The following RGL4 variants were observed in gnomAD, a reference collection of about 807,000 sequenced individuals.
The protein encoded by RGL4 is ral guanine nucleotide dissociation stimulator like 4.
Under a neutral mutation model 49.6 loss-of-function variants are expected in RGL4, and 41 were observed. The ratio of observed to expected loss-of-function variants is 0.83; its 90% CI spans 0.64 to 1.07. The LOEUF (loss-of-function observed/expected upper bound fraction) is 1.07, where lower values mean the gene tolerates loss of function less well. Among genes scored for constraint, RGL4 ranks in the 50% least tolerant of loss-of-function variants. RGL4 has a pLI of 0.00. For synonymous variants in RGL4, 255 were observed against 238.0 expected, an observed-to-expected ratio of 1.07 and a Z score of -0.66; for missense variants, 610 against 591.9, an observed-to-expected ratio of 1.03 and a Z score of -0.32.
Position 23,692,946 on chromosome 22 carries a change from C to T in RGL4, c.651C>T (p.Thr217=), listed in dbSNP as rs1370848186. 7 of 1,612,262 alleles carry T rather than the reference C, an allele frequency of 4.3e-6. No individual in the cohort carries two copies. Among genetic ancestry groups the T allele is most frequent in the African/African-American group, 1.3e-5 (1 of 75,044 alleles). Residue 217 remains threonine (T), a synonymous_variant, in exon 3 of 11, where the codon ACC becomes ACT. Transcript: ENST00000290691. ...GTGAGGAGCTGCCTGACATGACGACCTTCCCTCCCAGGCTGCTGGCAGAGC... is the reference window on the plus strand; with the variant it reads ...GTGAGGAGCTGCCTGACATGACGACTTTCCCTCCCAGGCTGCTGGCAGAGC... ...QPSEELPDMT[T]FPPRLLAEQL...
Position 23,692,361 on chromosome 22 carries a change from G to A in RGL4, c.206G>A (p.Trp69Ter). 6.2e-7 allele frequency: 1 copy of A among 1,614,154 alleles called. No individual in the cohort carries two copies. Among genetic ancestry groups the A allele is most frequent in the Non-Finnish European group, 8.5e-7 (1 of 1,180,008 alleles). Reference protein sequence around the residue: ...LRTITSILFNWPPENTSVYYQ... With the variant: ...LRTITSILFN The stretch of plus-strand genomic sequence containing the variant: ...ACCATCACCTCCATTTTGTTCAACT[G>A]GCCCCCCGAAAACACTTCAGTTTAC... Residue 69 changes from tryptophan (W) to a stop codon, truncating the protein, a stop_gained, in exon 2 of 11, where the codon TGG becomes TAG. Transcript: ENST00000290691. LOFTEE classifies it high-confidence loss of function.
In RGL4 at chr22:23,692,932, C is replaced by T. The variant is rs1923235284; in HGVS notation, c.637C>T (p.Pro213Ser). ...AAAGAACCAACCCAGTGAGGAGCTG[C>T]CTGACATGACGACCTTCCCTCCCAG... ...SVKNQPSEEL[P>S]DMTTFPPRLL... The change falls in exon 3 of 11, where the codon CCT (proline) becomes TCT (serine). Residue 213 changes from proline to serine, a missense_variant. Coordinates refer to ENST00000290691, the MANE Select transcript of RGL4 (RefSeq NM_153615.2). 6.2e-7 allele frequency: 1 copy of T among 1,613,064 alleles called. No individual in the cohort carries two copies. The highest frequency in any genetic ancestry group is 1.3e-5 in the African/African-American group (1 of 74,930).
At chr22:23,697,725 G>A (rs1423160944) in intron 8 of RGL4, 113 bp from the exon 9 acceptor site, 14 of 1,180,040 alleles carry the variant, frequency 1.2e-5, no homozygotes, top group South Asian at 5.3e-5. Context: ...AAGTCCTGTC[G>A]TGTGCACATC....
At chr22:23,696,520 C>T in intron 6 of RGL4, 94 bp from the exon 7 acceptor site, 2 of 1,595,430 alleles carry the variant, frequency 1.3e-6, no homozygotes. Context: ...CAGGTGGCTC[C>T]CGCCACTCCC....
At chr22:23,693,218 C>A in intron 3 of RGL4, 1 of 767,816 alleles carries the variant, frequency 1.3e-6, no homozygotes, top group Non-Finnish European at 2.0e-6. Context: ...GACTGAGTGA[C>A]AGGAGATGGA....
At chr22:23,695,207 T>A (rs979309613) in intron 6 of RGL4, 188 bp downstream of exon 6, 3 of 532,306 alleles carry the variant, frequency 5.6e-6, no homozygotes, top group Non-Finnish European at 1.0e-5. Flanking sequence ...TGTCGGTCCA[T>A]GGGCACGTGG....
At chr22:23,698,643 C>A in intron 10 of RGL4, 2 of 750,754 alleles carry the variant, frequency 2.7e-6, no homozygotes, top group South Asian at 1.6e-5. Flanking sequence ...ACTGACGTTA[C>A]AGGTGTGAGC....
rs770231852 is a variant in RGL4 at position 23,692,895 on chromosome 22, T to C, written c.600T>C (p.Cys200=). The C allele has an allele frequency of 1.9e-6, 3 of 1,613,616 alleles. No individual in the cohort carries two copies. Among genetic ancestry groups the C allele is most frequent in the South Asian group, 2.2e-5 (2 of 91,082 alleles). Residue 200 remains cysteine (C), a synonymous_variant, in exon 3 of 11, where the codon TGT becomes TGC. Transcript: ENST00000290691. ...CAGCCCCAGAGTCCTCCTGTCCCTG[T>C]CGTGGGTCTGTAAAGAACCAACCCA... The part of the protein sequence containing the change: ...PQSAPESSCP[C]RGSVKNQPSE...
rs748038406 is a variant in RGL4, at chr22:23,693,913, A to AC, written c.853dup (p.His285ProfsTer83). 915 of 1,613,876 alleles carry AC rather than the reference A, an allele frequency of 5.7e-4. 1 individual carries two copies. Among genetic ancestry groups the AC allele is most frequent in the Non-Finnish European group, 5.3e-4 (621 of 1,180,016 alleles). On this transcript the variant is annotated frameshift_variant, in exon 4 of 11. Coordinates refer to ENST00000290691, the MANE Select transcript of RGL4 (RefSeq NM_153615.2). LOFTEE classifies it high-confidence loss of function. ...TGCATCACCACCTCCTGCCTCGGGG[A>AC]CCACAGCATGAGGGCCCGGGACAGG...
At position 23,691,410 on chromosome 22, in the gene RGL4, G is replaced by A. The variant is rs1923131333; in HGVS notation, c.-621G>A. 1 of 152,210 alleles carries A rather than the reference G, an allele frequency of 6.6e-6. No individual in the cohort carries two copies. Among genetic ancestry groups the A allele is most frequent in the Non-Finnish European group, 1.5e-5 (1 of 68,108 alleles). 9.4% of individuals were successfully genotyped at this position (152,210 alleles called of 1,614,324 possible). A position where few individuals can be genotyped will look rare whatever the true frequency, so the allele number is the denominator to read the frequency against. On this transcript the variant is annotated 5_prime_UTR_variant, in exon 1 of 11. Transcript: ENST00000290691. ...CAGACATCTGGAGAGGCTCACTGGG[G>A]TTCTCCAAAGGTTGGGGTTCACTCA...
chr22:23,692,723 CA>C lies in RGL4; in HGVS notation c.429del (p.Pro144HisfsTer61). The C allele has an allele frequency of 1.9e-6, 3 of 1,613,060 alleles. No homozygotes were observed. The highest frequency in any genetic ancestry group is 1.7e-6 in the Non-Finnish European group (2 of 1,179,836). On this transcript the variant is annotated frameshift_variant, in exon 3 of 11. Coordinates refer to ENST00000290691, the MANE Select transcript of RGL4 (RefSeq NM_153615.2). LOFTEE classifies it high-confidence loss of function. Reference protein sequence around the residue: ...HALTMPALEPAPPLLADLGPA... With the variant: ...HALTMPALEPXPPLLADLGPA... ...TTAACAATGCCGGCCCTGGAGCCAG[CA>C]CCACCACTGCTGGCGGACCTGGGGC... is the stretch of plus-strand genomic sequence containing the variant.
In RGL4 at chr22:23,692,908, A is replaced by G. The variant is rs1923233573; in HGVS notation, c.613A>G (p.Lys205Glu). The change falls in exon 3 of 11, where the codon AAG becomes GAG. Residue 205 changes from lysine (K) to glutamate (E), a missense_variant. Physicochemically the swap from Lys to Glu is moderately conservative, Grantham distance 56 (BLOSUM62 1). Coordinates refer to ENST00000290691, the MANE Select transcript of RGL4 (RefSeq NM_153615.2). ...CTCCTGTCCCTGTCGTGGGTCTGTA[A>G]AGAACCAACCCAGTGAGGAGCTGCC... ...ESSCPCRGSV[K>E]NQPSEELPDM... The G allele has an allele frequency of 6.2e-7, 1 of 1,613,446 alleles. No individual in the cohort carries two copies. Among genetic ancestry groups the G allele is most frequent in the African/African-American group, 1.3e-5 (1 of 74,920 alleles).
At position 23,696,639 on chromosome 22, in the gene RGL4, A is replaced by C. The variant is rs147460979; in HGVS notation, c.1112A>C (p.Gln371Pro). ...GCGGGGAGCTTTAAGGTGGCCACCC[A>C]GGAGAGGAACCCCCAGAGAGTCCAG... Reference protein sequence around the residue: ...IKAGSFKVATQERNPQRVQMR... With the variant: ...IKAGSFKVATPERNPQRVQMR... The change falls in exon 7 of 11, where the codon CAG becomes CCG. Residue 371 changes from glutamine (Q) to proline (P), a missense_variant. Coordinates refer to ENST00000290691, the MANE Select transcript of RGL4 (RefSeq NM_153615.2). The C allele has an allele frequency of 7.4e-6, 12 of 1,613,666 alleles. No homozygotes were observed. The African/African-American group carries it at 1.6e-4, about 22-fold the overall frequency.
chr22:23,691,984 CCTTCCCTCCTAACCCCAG>C lies in RGL4; in HGVS notation c.-46_-29del, dbSNP rs747623059. Reference sequence around the variant, plus strand: ...TGTCCTCCTCCCCCCGACATCTGCCCCTTCCCTCCTAACCCCAGGACCAGGGGACCCAGATCTGGAGCT... The same window carrying C: ...TGTCCTCCTCCCCCCGACATCTGCCCGACCAGGGGACCCAGATCTGGAGCT... On this transcript the variant is annotated 5_prime_UTR_variant, in exon 1 of 11. Coordinates refer to ENST00000290691, the MANE Select transcript of RGL4 (RefSeq NM_153615.2). The C allele has an allele frequency of 1.3e-6, 2 of 1,594,572 alleles. No homozygotes were observed. Among genetic ancestry groups the C allele is most frequent in the Non-Finnish European group, 1.7e-6 (2 of 1,167,068 alleles).
At chr22:23,694,628 C>G (rs1229698131) in intron 5 of RGL4, 178 bp downstream of exon 5, 7 of 613,294 alleles carry the variant, frequency 1.1e-5, no homozygotes, top group Non-Finnish European at 2.0e-5. Context: ...ATTTCCAACT[C>G]AGGACTAAGG....
chr22:23,694,638 G>A (rs1923365877), intron 5 of RGL4, 188 bp downstream of exon 5: 2 of 608,150 alleles, frequency 3.3e-6, no homozygotes, highest in East Asian at 5.5e-5. Context: ...CAGGACTAAG[G>A]TTTTTTAACC....
chr22:23,694,147 C>T (rs1356024268), intron 4 of RGL4, 173 bp downstream of exon 4: 14 of 720,152 alleles, frequency 1.9e-5, no homozygotes. Context: ...GTGGTGGCTG[C>T]TCACTTCCGA....
At chr22:23,697,775 AGGGGT>A in intron 8 of RGL4, 58 bp from the exon 9 acceptor site, 2 of 1,483,054 alleles carry the variant, frequency 1.3e-6, no homozygotes, top group Non-Finnish European at 9.1e-7. Context: ...CAGCATGGGA[AGGGGT>A]GGGGTGGGGC....
chr22:23,692,189 G>T lies in RGL4; in HGVS notation c.159G>T (p.Gln53His). 1 of 1,613,894 alleles carries T rather than the reference G, an allele frequency of 6.2e-7. No individual in the cohort carries two copies. Among genetic ancestry groups the T allele is most frequent in the Non-Finnish European group, 8.5e-7 (1 of 1,179,800 alleles). The change falls in exon 1 of 11, where the codon CAG becomes CAT. Residue 53 changes from glutamine to histidine, a missense_variant. By Grantham distance (24) the Gln-to-His change is conservative. Transcript: ENST00000290691. ...TGTATGGCCAGGTCTGCCCCTTCCA[G>T]GACAGCACTGATGGCTTACGGTAGG... Reference protein sequence around the residue: ...ALLYGQVCPFQDSTDGLRTIT... With the variant: ...ALLYGQVCPFHDSTDGLRTIT...
Sources: allele counts gnomAD v4.1 joint callset, GRCh38; gene constraint gnomAD v4.1.1; transcripts MANE v1.5; gene names NCBI Gene and HGNC (gene_info 2026-07-23, HGNC 2026-07-21).